Variants in SLIT2 observed in about 807,000 individuals in gnomAD.
SLIT2 encodes the protein slit homolog 2 protein.
SLIT2 carries 41 observed loss-of-function variants against 185.7 expected under a neutral mutation model. The observed-to-expected ratio is 0.22, with a 90% CI of 0.17 to 0.29. SLIT2 has a LOEUF of 0.29. Ranked by LOEUF, SLIT2 falls within the 10% of genes least tolerant of loss-of-function variation. The pLI is 1.00. For synonymous variants in SLIT2, 693 were observed against 680.2 expected, an observed-to-expected ratio of 1.02 and a Z score of -0.29; for missense variants, 1,571 against 1,909.0, an observed-to-expected ratio of 0.82 and a Z score of 3.30.
chr4:20,565,237 G>A (rs10030439), intron 26 of SLIT2, among the ~76,000 whole-genome samples: 4,770 of 151,952 alleles, frequency 0.031, 259 homozygotes, highest in African/African-American at 0.1. Context: ...ATTTTTTCTC[G>A]AGGCCGTGGG....
At chr4:20,571,250 C>T (rs903991085) in intron 29 of SLIT2, among the ~76,000 whole-genome samples, 1 of 152,120 alleles carries the variant, frequency 6.6e-6, no homozygotes, top group African/African-American at 2.4e-5. Context: ...TTACTTATAA[C>T]TATTGCAAAT....
chr4:20,461,580 G>A (rs928983057), intron 4 of SLIT2, among the ~76,000 whole-genome samples: 1 of 152,126 alleles, frequency 6.6e-6, no homozygotes, highest in Admixed American at 6.5e-5. Context: ...GAGACTATTA[G>A]GTAACTCAGA....
intron 5 of SLIT2, among the ~76,000 whole-genome samples, chr4:20,469,956 T>C (rs1032073543): frequency 5.3e-5 from 8 of 151,918 alleles, no homozygotes; most frequent in African/African-American, 1.7e-4. Flanking sequence ...GATTTCATCA[T>C]GTTGGTCAGG....
chr4:20,366,838 C>T (rs1723159221), intron 4 of SLIT2, among the ~76,000 whole-genome samples: 2 of 152,014 alleles, frequency 1.3e-5, no homozygotes, highest in South Asian at 2.1e-4. Flanking sequence ...CACTCTATCA[C>T]CCAGGCTTCA....
chr4:20,400,671 A>G (rs1726275369), intron 4 of SLIT2, among the ~76,000 whole-genome samples: 1 of 151,778 alleles, frequency 6.6e-6, no homozygotes, highest in Admixed American at 6.6e-5. Context: ...AGAAGGAAAG[A>G]ATATGGAATA....
rs535345489 is a variant in SLIT2 at position 20,276,282 on chromosome 4, G to A, written c.395+7401G>A. The stretch of plus-strand genomic sequence containing the variant: ...TCAAAGTAGCATAGATCTATATGGT[G>A]TATATCCACTCATTACATGTTACCT... On this transcript the variant is annotated intron_variant, in intron 4 of 36. Coordinates refer to ENST00000504154, the MANE Select transcript of SLIT2 (RefSeq NM_004787.4). 5.9e-5 allele frequency among the ~76,000 whole-genome samples: 9 copies of A among 152,214 alleles called. No individual in the cohort carries two copies. The East Asian group carries it at 1.5e-3, about 26-fold the overall frequency.
At chr4:20,330,555 T>G (rs4696955) in intron 4 of SLIT2, among the ~76,000 whole-genome samples, 132,027 of 152,084 alleles carry the variant, frequency 0.87, 57,490 homozygotes, top group African/African-American at 0.92. Flanking sequence ...AAAAATGAAT[T>G]AATAGTTTTA....
chr4:20,488,995 G>A lies in SLIT2; in HGVS notation c.775+13G>A, dbSNP rs560569531. 6.3e-7 allele frequency: 1 copy of A among 1,598,298 alleles called. No individual in the cohort carries two copies. Among genetic ancestry groups the A allele is most frequent in the African/African-American group, 1.3e-5 (1 of 74,710 alleles). The stretch of plus-strand genomic sequence containing the variant: ...TTTGTCTGCAGTGGTAAGGGAGAAG[G>A]AAGAGTGATGTTATTGTGTTTATTG... On this transcript the variant is annotated intron_variant, in intron 8 of 36. Transcript: ENST00000504154.
chr4:20,465,272 C>T (rs1714210702), intron 4 of SLIT2, among the ~76,000 whole-genome samples: 1 of 152,180 alleles, frequency 6.6e-6, no homozygotes, highest in African/African-American at 2.4e-5. Context: ...CCAAACATCT[C>T]TGAAACTCAG....
chr4:20,600,114 A>T (rs1386190559), intron 33 of SLIT2, among the ~76,000 whole-genome samples: 1 of 152,186 alleles, frequency 6.6e-6, no homozygotes. Context: ...GTTTCAGCCC[A>T]TAAAAAGATT....
At position 20,596,455 on chromosome 4, in the gene SLIT2, C is replaced by T. The variant is rs772969655; in HGVS notation, c.3361C>T (p.Arg1121Cys). 6.2e-6 allele frequency: 10 copies of T among 1,613,896 alleles called. No homozygotes were observed. The highest frequency in any genetic ancestry group is 5.0e-5 in the Admixed American group (3 of 60,004). Residue 1121 changes from arginine to cysteine, a missense_variant, in exon 32 of 37, where the codon CGT (arginine) becomes TGT (cysteine). Coordinates refer to ENST00000504154, the MANE Select transcript of SLIT2 (RefSeq NM_004787.4). ...GTTTTCTCCACCCATGGTCCTCCCT[C>T]GTACCAGCCCCTGTGATAATTTTGA... ...CEFSPPMVLP[R>C]TSPCDNFDCQ... is the part of the protein sequence containing the mutation.
intron 9 of SLIT2, among the ~76,000 whole-genome samples, chr4:20,496,403 G>A (rs1326039347): frequency 6.6e-6 from 1 of 152,190 alleles, no homozygotes; most frequent in Non-Finnish European, 1.5e-5. Flanking sequence ...GGATCGCAAT[G>A]TTGGCTTGTG....
intron 25 of SLIT2, chr4:20,552,648 C>G (rs1723873833): frequency 6.6e-6 from 1 of 152,134 alleles, no homozygotes; most frequent in Admixed American, 6.6e-5. Context: ...GTAACATTCA[C>G]TACATTCTGA....
rs909955998 is a variant in SLIT2, at chr4:20,550,971, C to T, written c.2561+73C>T. The stretch of plus-strand genomic sequence containing the variant: ...ATGAGTGACTTGGAACATTCCTCTG[C>T]CAGTTATTTTACTGTAACATCATAA... On this transcript the variant is annotated intron_variant, in intron 25 of 36. Coordinates refer to ENST00000504154, the MANE Select transcript of SLIT2 (RefSeq NM_004787.4). The T allele has an allele frequency of 1.1e-5, 9 of 809,450 alleles. No individual in the cohort carries two copies. The Admixed American group carries it at 1.3e-4, about 12-fold the overall frequency. 50.1% of individuals were successfully genotyped at this position (809,450 alleles called of 1,614,324 possible). A position where few individuals can be genotyped will look rare whatever the true frequency, so the allele number is the denominator to read the frequency against.
chr4:20,612,473 C>T (rs1729299036), intron 34 of SLIT2, among the ~76,000 whole-genome samples: 1 of 152,102 alleles, frequency 6.6e-6, no homozygotes, highest in Admixed American at 6.5e-5. Flanking sequence ...ACCATGGGCC[C>T]ACTTTCTCCC....
At chr4:20,531,833 C>A in intron 16 of SLIT2, 151 bp from the exon 17 acceptor site, 1 of 460,514 alleles carries the variant, frequency 2.2e-6, no homozygotes, top group Non-Finnish European at 3.9e-6. Flanking sequence ...GAAAAAATAT[C>A]AGTATGTTCC....
chr4:20,431,466 G>T (rs1728971930), intron 4 of SLIT2, among the ~76,000 whole-genome samples: 1 of 152,036 alleles, frequency 6.6e-6, no homozygotes, highest in South Asian at 2.1e-4. Flanking sequence ...GGAATGGAAG[G>T]GCTGAACGCA....
At chr4:20,505,865 G>T (rs1183329548) in intron 9 of SLIT2, among the ~76,000 whole-genome samples, 2 of 152,138 alleles carry the variant, frequency 1.3e-5, no homozygotes, top group African/African-American at 2.4e-5. Context: ...AAGTCGTGAA[G>T]ACATGTATAA....
intron 34 of SLIT2, among the ~76,000 whole-genome samples, chr4:20,611,538 C>A (rs1729223828): frequency 6.6e-6 from 1 of 152,216 alleles, no homozygotes; most frequent in Non-Finnish European, 1.5e-5. Flanking sequence ...CATAGTGAGT[C>A]TACTCAGCAA....
Sources: gnomAD v4.1 joint callset for allele counts (sites outside exome capture counted in the v4.1 genomes callset) on GRCh38, gnomAD v4.1.1 for gene constraint, MANE v1.5 for transcripts, NCBI Gene and HGNC (gene_info 2026-07-23, HGNC 2026-07-21) for gene names.